BCR: variants seen among roughly 807,000 people sequenced by gnomAD.
BCR encodes the protein breakpoint cluster region protein.
BCR carries 58 observed loss-of-function variants against 138.6 expected under a neutral mutation model. The ratio of observed to expected loss-of-function variants is 0.42; its 90% CI spans 0.34 to 0.52. The LOEUF is 0.52. Among genes scored for constraint, BCR ranks in the 20% least tolerant of loss-of-function variants. The pLI is 0.06. For missense variants in BCR, 1,599 were observed against 1,727.2 expected (o/e 0.93, Z 1.32); for synonymous variants, 786 against 730.1 (o/e 1.08, Z -1.23).
chr22:23,249,431 C>CAAA (rs535635463), intron 1 of BCR, among the ~76,000 whole-genome samples: 34 of 66,202 alleles, frequency 5.1e-4, no homozygotes, highest in African/African-American at 1.3e-3. Context: ...GACTCTGTCT[C>CAAA]AAAAAAAAAA....
chr22:23,276,245 A>T (rs1453164312), intron 8 of BCR, among the ~76,000 whole-genome samples: 2 of 152,042 alleles, frequency 1.3e-5, no homozygotes, highest in African/African-American at 2.4e-5. Flanking sequence ...TAAAAATACA[A>T]AAAATTAGCT....
At chr22:23,265,071 A>AAAACACACATCC (rs1210296379) in intron 4 of BCR, 1 of 152,224 alleles carries the variant, frequency 6.6e-6, no homozygotes, top group Non-Finnish European at 1.5e-5. Context: ...TGGGGGGAAA[A>AAAACACACATCC]AAACACACAT....
rs6003544 is a variant in BCR, at chr22:23,184,362, G to A, written c.1279+2123G>A. Among the ~76,000 whole-genome samples the A allele has an allele frequency of 4.8e-3, 730 of 152,228 alleles. 4 individuals are homozygous for A. Among genetic ancestry groups the A allele is most frequent in the African/African-American group, 0.017 (687 of 41,530 alleles). ...AGCTTCAGCCTCCTGAGTAGCTGGGGTTACAGGGATGAGACACCTCACCAG... is the reference window on the plus strand; with the variant it reads ...AGCTTCAGCCTCCTGAGTAGCTGGGATTACAGGGATGAGACACCTCACCAG... On this transcript the variant is annotated intron_variant, in intron 1 of 22. Coordinates refer to ENST00000305877, the MANE Select transcript of BCR (RefSeq NM_004327.4).
chr22:23,211,012 A>G (rs1226298283), intron 1 of BCR, among the ~76,000 whole-genome samples: 2 of 152,098 alleles, frequency 1.3e-5, no homozygotes, highest in Non-Finnish European at 1.5e-5. Flanking sequence ...ATTGCAGATC[A>G]TTTTCATCAC....
At chr22:23,310,811 C>G (rs972738848) in intron 18 of BCR, among the ~76,000 whole-genome samples, 1 of 152,184 alleles carries the variant, frequency 6.6e-6, no homozygotes, top group African/African-American at 2.4e-5. Context: ...TAGACCACTT[C>G]CTCTGAGAAT....
intron 1 of BCR, among the ~76,000 whole-genome samples, chr22:23,194,770 A>G (rs191976146): frequency 2.0e-4 from 30 of 151,658 alleles, no homozygotes; most frequent in Non-Finnish European, 2.1e-4. Context: ...GCAAGACCCC[A>G]TCTCTACAAA....
In BCR at chr22:23,181,550, C is replaced by G; in HGVS notation, c.590C>G (p.Ser197Trp). 6.2e-7 allele frequency: 1 copy of G among 1,612,974 alleles called. No individual in the cohort carries two copies. Among genetic ancestry groups the G allele is most frequent in the Non-Finnish European group, 8.5e-7 (1 of 1,179,990 alleles). Residue 197 changes from serine (S) to tryptophan (W), a missense_variant, in exon 1 of 23, where the codon TCG becomes TGG. Transcript: ENST00000305877. ...GLVKVNDKEV[S>W]DRISSLGSQA... ...GTGAAGGTCAACGACAAAGAGGTGT[C>G]GGACCGCATCAGCTCCCTGGGCAGC... is the stretch of plus-strand genomic sequence containing the variant.
chr22:23,181,412 T>C lies in BCR; in HGVS notation c.452T>C (p.Val151Ala). ...ERDDRGPPAS[V>A]AALRSNFERI... is the part of the protein sequence containing the mutation. ...GACGACCGGGGACCCCCCGCCAGCG[T>C]GGCGGCGCTCAGGTCCAACTTCGAG... The change falls in exon 1 of 23, where the codon GTG (valine) becomes GCG (alanine). Residue 151 changes from valine to alanine, a missense_variant. Transcript: ENST00000305877. 6.4e-7 allele frequency: 1 copy of C among 1,573,722 alleles called. No homozygotes were observed. The highest frequency in any genetic ancestry group is 8.6e-7 in the Non-Finnish European group (1 of 1,158,716).
chr22:23,275,295 A>G (rs1191763652), intron 8 of BCR, among the ~76,000 whole-genome samples: 2 of 152,242 alleles, frequency 1.3e-5, no homozygotes, highest in East Asian at 3.9e-4. Context: ...GTCCCATGCC[A>G]GCATCGTGAG....
At chr22:23,210,053 C>T (rs1334574726) in intron 1 of BCR, among the ~76,000 whole-genome samples, 3 of 152,012 alleles carry the variant, frequency 2.0e-5, no homozygotes, top group Admixed American at 6.6e-5. Context: ...TAATTTTTAC[C>T]CTAGAAAAAA....
intron 12 of BCR, 78 bp downstream of exon 12, chr22:23,288,250 T>G (rs2073740659): frequency 7.2e-7 from 1 of 1,389,236 alleles, no homozygotes; most frequent in Admixed American, 1.7e-5. Flanking sequence ...GTTTTAAACC[T>G]TCTTTTTTAT....
chr22:23,240,670 AAG>A (rs1041197295), intron 1 of BCR, among the ~76,000 whole-genome samples: 11 of 152,080 alleles, frequency 7.2e-5, no homozygotes, highest in African/African-American at 2.7e-4. Context: ...AAAAAAGAAA[AAG>A]AAAAAAAGAA....
At chr22:23,254,156 A>T (rs2146267991) in intron 2 of BCR, among the ~76,000 whole-genome samples, 176 bp downstream of exon 2, 1 of 152,188 alleles carries the variant, frequency 6.6e-6, no homozygotes, top group East Asian at 1.9e-4. Flanking sequence ...AGCCTGCCAG[A>T]TGTGTTGATC....
At chr22:23,307,028 A>G (rs2073959346) in intron 16 of BCR, among the ~76,000 whole-genome samples, 1 of 152,236 alleles carries the variant, frequency 6.6e-6, no homozygotes, top group Admixed American at 6.5e-5. Flanking sequence ...AGAGGGGCCC[A>G]GTGATGGCTG....
intron 2 of BCR, among the ~76,000 whole-genome samples, chr22:23,254,308 G>A (rs2073268509): frequency 6.6e-6 from 1 of 152,024 alleles, no homozygotes; most frequent in Non-Finnish European, 1.5e-5. Context: ...GTGGTGTCTG[G>A]GCTTGGGTCC....
chr22:23,237,335 CCCCCTG>C (rs1380245458), intron 1 of BCR, among the ~76,000 whole-genome samples: 1 of 152,210 alleles, frequency 6.6e-6, no homozygotes, highest in Non-Finnish European at 1.5e-5. Flanking sequence ...CCTCCCACGG[CCCCCTG>C]GGGAAGCAGG....
chr22:23,193,748 A>G (rs1458720386), intron 1 of BCR, among the ~76,000 whole-genome samples: 1 of 152,214 alleles, frequency 6.6e-6, no homozygotes, highest in Non-Finnish European at 1.5e-5. Flanking sequence ...TACTTTGTGT[A>G]GCCTGCTGCA....
intron 10 of BCR, among the ~76,000 whole-genome samples, chr22:23,285,625 T>G (rs751131053): frequency 1.3e-5 from 2 of 152,176 alleles, no homozygotes; most frequent in Non-Finnish European, 2.9e-5. Flanking sequence ...ACTGGGAGCC[T>G]GATTTTGTGT....
chr22:23,196,128 C>T lies in BCR; in HGVS notation c.1279+13889C>T, dbSNP rs577743497. Among the ~76,000 whole-genome samples the T allele has an allele frequency of 2.0e-5, 3 of 152,278 alleles. No individual in the cohort carries two copies. In the South Asian group the frequency reaches 6.2e-4, roughly 32 times the overall value. The stretch of plus-strand genomic sequence containing the variant: ...ACTCTAAAATGTACCATCTCAACCA[C>T]TTCTCAGTGTGCAGTTTAGTAGTGT... On this transcript the variant is annotated intron_variant, in intron 1 of 22. Transcript: ENST00000305877.
Sources: gnomAD v4.1 joint callset for allele counts (sites outside exome capture counted in the v4.1 genomes callset) on GRCh38, gnomAD v4.1.1 for gene constraint, MANE v1.5 for transcripts, NCBI Gene and HGNC (gene_info 2026-07-23, HGNC 2026-07-21) for gene names.